The following SLC5A6 variants were observed in gnomAD, a reference collection of about 807,000 sequenced individuals.
SLC5A6 encodes the protein sodium-dependent multivitamin transporter.
SLC5A6 carries 31 observed loss-of-function variants against 67.9 expected under a neutral mutation model. The ratio of observed to expected loss-of-function variants is 0.46; its 90% CI spans 0.34 to 0.62. SLC5A6 has a LOEUF of 0.62. Among genes scored for constraint, SLC5A6 ranks in the 20% least tolerant of loss-of-function variants. SLC5A6 has a pLI of 0.01. For synonymous variants in SLC5A6, 343 were observed against 331.0 expected, an observed-to-expected ratio of 1.04 and a Z score of -0.39; for missense variants, 673 against 812.8, an observed-to-expected ratio of 0.83 and a Z score of 2.09.
At chr2:27,204,425 G>T (rs775511183) in intron 9 of SLC5A6, 36 bp downstream of exon 9, 11 of 1,589,120 alleles carry the variant, frequency 6.9e-6, no homozygotes, top group Non-Finnish European at 9.4e-6. Context: ...GTGGGGCCAG[G>T]CCTGCCCTCA....
At chr2:27,206,319 G>C (rs1233056009) in intron 5 of SLC5A6, 164 bp downstream of exon 5, 1 of 722,524 alleles carries the variant, frequency 1.4e-6, no homozygotes, top group Non-Finnish European at 2.4e-6. Context: ...AATTGAGGTG[G>C]ACCAAGCCTT....
At chr2:27,200,708 GA>G (rs1673557655) in intron 16 of SLC5A6, 129 bp from the exon 17 acceptor site, 5 of 699,774 alleles carry the variant, frequency 7.1e-6, no homozygotes, top group Admixed American at 2.8e-5. Context: ...AGAGCAGGGG[GA>G]AAAGAGGGAG....
chr2:27,211,401 A>G (rs1205708021), intron 2 of SLC5A6, 66 bp downstream of exon 2: 4 of 152,330 alleles, frequency 2.6e-5, no homozygotes, highest in Non-Finnish European at 5.9e-5. Context: ...CGCCGGGAGC[A>G]GGGATCCCCT....
intron 7 of SLC5A6, 36 bp from the exon 8 acceptor site, chr2:27,204,967 TGAGA>T: frequency 6.2e-7 from 1 of 1,607,504 alleles, no homozygotes; most frequent in Non-Finnish European, 8.5e-7. Flanking sequence ...GTGCAAAGCC[TGAGA>T]GACACAGCCT....
intron 4 of SLC5A6, 132 bp from the exon 5 acceptor site, chr2:27,206,666 C>A: frequency 1.0e-6 from 1 of 999,732 alleles, no homozygotes. Context: ...CTTCTCCTCT[C>A]AAATTCTGGC....
chr2:27,201,257 A>T, intron 15 of SLC5A6, 93 bp downstream of exon 15: 2 of 997,614 alleles, frequency 2.0e-6, no homozygotes, highest in East Asian at 4.9e-5. Context: ...GACACCCAAG[A>T]GCTCAGAGGG....
chr2:27,207,212 A>AC lies in SLC5A6; in HGVS notation c.393+45dup. Reference sequence around the variant, plus strand: ...TCCTATGTGCCTGTCCCTCCTCTCCACCCCAACCCGTGTCCCACGCACTTC... The same window carrying AC: ...TCCTATGTGCCTGTCCCTCCTCTCCACCCCCAACCCGTGTCCCACGCACTTC... On this transcript the variant is annotated intron_variant, in intron 3 of 16. Coordinates refer to ENST00000310574, the MANE Select transcript of SLC5A6 (RefSeq NM_021095.4). This position sits in a 1 kb window ranked among gnomAD's most constrained non-coding sequence, Gnocchi z 5.5. 1 of 1,595,694 alleles carries AC rather than the reference A, an allele frequency of 6.3e-7. No individual in the cohort carries two copies. Among genetic ancestry groups the AC allele is most frequent in the South Asian group, 1.1e-5 (1 of 88,464 alleles).
At chr2:27,201,932 C>T in intron 13 of SLC5A6, 56 bp downstream of exon 13, 1 of 1,605,904 alleles carries the variant, frequency 6.2e-7, no homozygotes, top group South Asian at 1.1e-5. Flanking sequence ...GACAGCCCTG[C>T]CAACCCCCAG....
At chr2:27,203,165 C>T in intron 11 of SLC5A6, 68 bp downstream of exon 11, 1 of 1,600,632 alleles carries the variant, frequency 6.2e-7, no homozygotes, top group Non-Finnish European at 8.5e-7. Context: ...TTACAGCAAA[C>T]TGATGACAAT....
chr2:27,206,329 T>C, intron 5 of SLC5A6, 154 bp downstream of exon 5: 1 of 747,960 alleles, frequency 1.3e-6, no homozygotes, highest in Admixed American at 2.3e-5. Context: ...GACCAAGCCT[T>C]CCTCTGGTAG....
chr2:27,202,035 G>T lies in SLC5A6; in HGVS notation c.1315C>A (p.Leu439Met), dbSNP rs527912713. The T allele has an allele frequency of 6.2e-7, 1 of 1,614,074 alleles. No individual in the cohort carries two copies. The highest frequency in any genetic ancestry group is 8.5e-7 in the Non-Finnish European group (1 of 1,180,008). ...SIFGMVGGPL[L>M]GLFCLGMFFP... Reference sequence around the variant, plus strand: ...AACATTCCAAGGCAGAAGAGTCCCAGCAGCGGTCCCCCAACCATGCCAAAG... The same window carrying T: ...AACATTCCAAGGCAGAAGAGTCCCATCAGCGGTCCCCCAACCATGCCAAAG... The change falls in exon 13 of 17, where the codon CTG becomes ATG. Residue 439 changes from leucine to methionine, a missense_variant. Physicochemically the swap from Leu to Met is conservative, Grantham distance 15. Transcript: ENST00000310574.
At chr2:27,208,913 G>A (rs372444085) in intron 2 of SLC5A6, among the ~76,000 whole-genome samples, 1 of 152,190 alleles carries the variant, frequency 6.6e-6, no homozygotes, top group African/African-American at 2.4e-5. Context: ...ACTCTGTGCG[G>A]GAGGGAGTTG....
In SLC5A6 at chr2:27,207,239, C is replaced by T. The variant is rs1674141543; in HGVS notation, c.393+19G>A. Reference sequence around the variant, plus strand: ...CCCAACCCGTGTCCCACGCACTTCTCCCTTCTGTCCCTGCTCACCTCATAG... The same window carrying T: ...CCCAACCCGTGTCCCACGCACTTCTTCCTTCTGTCCCTGCTCACCTCATAG... On this transcript the variant is annotated intron_variant, in intron 3 of 16. Transcript: ENST00000310574. The surrounding 1 kb of genome is among the most constrained non-coding windows in gnomAD (Gnocchi z 5.5). 1 of 1,610,746 alleles carries T rather than the reference C, an allele frequency of 6.2e-7. No homozygotes were observed. Among genetic ancestry groups the T allele is most frequent in the Admixed American group, 1.7e-5 (1 of 59,938 alleles).
intron 11 of SLC5A6, 47 bp from the exon 12 acceptor site, chr2:27,202,927 C>T (rs778980934): frequency 8.1e-6 from 13 of 1,607,528 alleles, no homozygotes; most frequent in South Asian, 1.1e-5. Flanking sequence ...TGAGTTAACA[C>T]AAGCAATGGG....
rs1206994687 is a variant in SLC5A6, at chr2:27,207,315, T to C, written c.336A>G (p.Ile112Met). 2 of 1,613,990 alleles carry C rather than the reference T, an allele frequency of 1.2e-6. No homozygotes were observed. The highest frequency in any genetic ancestry group is 1.7e-5 in the Admixed American group (1 of 60,010). ...AAACGGGGATGAAGATGTGTGCAGG[T>C]ATCAGCAGCCCCAGAAAGTAGCAGC... ...LGCCYFLGLL[I>M]PAHIFIPVFY... The change falls in exon 3 of 17, where the codon ATA (isoleucine) becomes ATG (methionine). Residue 112 changes from isoleucine (I) to methionine (M), a missense_variant. Transcript: ENST00000310574. This position sits in a 1 kb window ranked among gnomAD's most constrained non-coding sequence, Gnocchi z 5.5.
At chr2:27,212,496 A>G, upstream of SLC5A6, 1 of 1,545,684 alleles carries the variant, frequency 6.5e-7, no homozygotes, top group Middle Eastern at 1.7e-4. Context: ...GGTCGGGCTG[A>G]AGCAGGGTCG....
intron 2 of SLC5A6, among the ~76,000 whole-genome samples, chr2:27,209,394 T>C (rs150225360): frequency 2.0e-4 from 30 of 152,328 alleles, no homozygotes; most frequent in Non-Finnish European, 3.8e-4. Flanking sequence ...TTATAAACAT[T>C]AGTAATAATA....
chr2:27,202,660 A>G (rs1277599927), intron 12 of SLC5A6, among the ~76,000 whole-genome samples, 153 bp downstream of exon 12: 1 of 151,978 alleles, frequency 6.6e-6, no homozygotes, highest in African/African-American at 2.4e-5. Context: ...GGCTGCTTGC[A>G]AGTCTGTTCA....
chr2:27,210,771 C>G (rs1674424164), intron 2 of SLC5A6, among the ~76,000 whole-genome samples: 1 of 151,848 alleles, frequency 6.6e-6, no homozygotes, highest in South Asian at 2.1e-4. Context: ...TGCCTGTAAT[C>G]CCAGCACTTT....
Sources: allele counts gnomAD v4.1 joint callset (sites outside exome capture counted in the v4.1 genomes callset), GRCh38; gene constraint gnomAD v4.1.1; non-coding constraint Gnocchi (gnomAD v3.1); transcripts MANE v1.5; gene names NCBI Gene and HGNC (gene_info 2026-07-23, HGNC 2026-07-21).